Variants in CIP2A observed in about 807,000 individuals in gnomAD.
The protein encoded by CIP2A is cellular inhibitor of PP2A.
CIP2A carries 103 observed loss-of-function variants against 110.9 expected under a neutral mutation model. The ratio of observed to expected loss-of-function variants is 0.93; its 90% CI spans 0.79 to 1.09. The LOEUF is 1.09. Among genes scored for constraint, CIP2A ranks in the 50% least tolerant of loss-of-function variants. The probability of loss-of-function intolerance (pLI) is 0.00; values close to 1 mark genes in which losing one functional copy is unlikely to be tolerated. For missense variants in CIP2A, 1,088 were observed against 1,038.4 expected, an observed-to-expected ratio of 1.05 and a Z score of -0.66; for synonymous variants, 381 against 361.6, an observed-to-expected ratio of 1.05 and a Z score of -0.61.
At chr3:108,558,181 T>C (rs144729159) in intron 16 of CIP2A, among the ~76,000 whole-genome samples, 7 of 152,234 alleles carry the variant, frequency 4.6e-5, no homozygotes, top group East Asian at 1.9e-4. Flanking sequence ...ATATCACTAA[T>C]GTTCTTTCTT....
rs755436393 is a variant in CIP2A, at chr3:108,554,495, A to G, written c.2211-6T>C. On this transcript the variant is annotated splice_polypyrimidine_tract_variant and splice_region_variant and intron_variant, in intron 17 of 20. Transcript: ENST00000295746. Reference sequence around the variant, plus strand: ...TCTTTTCAGTACTTTCATTTCTGAAAAGACAAGAAAATGAGTTGGCATCAT... The same window carrying G: ...TCTTTTCAGTACTTTCATTTCTGAAGAGACAAGAAAATGAGTTGGCATCAT... 8.4e-7 allele frequency: 1 copy of G among 1,191,136 alleles called. No individual in the cohort carries two copies. Among genetic ancestry groups the G allele is most frequent in the Non-Finnish European group, 1.2e-6 (1 of 821,062 alleles). The allele number at this position is 1,191,136 out of a possible 1,614,324, so 73.8% of individuals were successfully genotyped here. A position where few individuals can be genotyped will look rare whatever the true frequency, so the allele number is the denominator to read the frequency against.
At chr3:108,560,947 T>C (rs891727194) in intron 13 of CIP2A, 106 bp from the exon 14 acceptor site, 5 of 644,646 alleles carry the variant, frequency 7.8e-6, no homozygotes, top group Admixed American at 6.1e-5. Context: ...TTTTTTTGAA[T>C]AGAAGTCTTC....
In CIP2A at chr3:108,584,901, C is replaced by G. The variant is rs866794476; in HGVS notation, c.250+164G>C. ...TATTACAGAAGGATCATTCTTTGAT[C>G]GGTAGCTATGACTTCCTCAGTGTCA... On this transcript the variant is annotated intron_variant, in intron 2 of 20. Transcript: ENST00000295746. 3 of 497,602 alleles carry G rather than the reference C, an allele frequency of 6.0e-6. No individual in the cohort carries two copies. In the South Asian group the frequency reaches 1.3e-4, roughly 22 times the overall value. 30.8% of individuals were successfully genotyped at this position (497,602 alleles called of 1,614,324 possible). A position where few individuals can be genotyped will look rare whatever the true frequency, so the allele number is the denominator to read the frequency against.
Position 108,550,370 on chromosome 3 carries a change from T to G in CIP2A, c.*779A>C, listed in dbSNP as rs1251543968. The G allele has an allele frequency of 6.6e-6, 1 of 151,528 alleles. No individual in the cohort carries two copies. Among genetic ancestry groups the G allele is most frequent in the Non-Finnish European group, 1.5e-5 (1 of 67,698 alleles). 9.4% of individuals were successfully genotyped at this position (151,528 alleles called of 1,614,324 possible). Reference sequence around the variant, plus strand: ...AAGAGTAGAATCCAAATTATCCTTATGTAAATCATAAGAAACTTATAATTA... The same window carrying G: ...AAGAGTAGAATCCAAATTATCCTTAGGTAAATCATAAGAAACTTATAATTA... On this transcript the variant is annotated 3_prime_UTR_variant, in exon 21 of 21. Transcript: ENST00000295746.
chr3:108,553,094 TAAATG>T, intron 19 of CIP2A, among the ~76,000 whole-genome samples: 1 of 148,892 alleles, frequency 6.7e-6, no homozygotes, highest in Non-Finnish European at 1.5e-5. Context: ...TAAATTAAAT[TAAATG>T]GTCAATCATC....
chr3:108,565,050 C>A (rs148063212), intron 12 of CIP2A, among the ~76,000 whole-genome samples: 14 of 151,852 alleles, frequency 9.2e-5, no homozygotes, highest in African/African-American at 3.4e-4. Flanking sequence ...TCCTCCAATG[C>A]CAACAGAAAC....
chr3:108,589,275 T>G lies in CIP2A; in HGVS notation c.101A>C (p.Glu34Ala). 6.2e-7 allele frequency: 1 copy of G among 1,613,076 alleles called. No individual in the cohort carries two copies. The highest frequency in any genetic ancestry group is 1.1e-5 in the South Asian group (1 of 91,016). Residue 34 changes from glutamate to alanine, a missense_variant and splice_region_variant, in exon 1 of 21, where the codon GAG becomes GCG. Physicochemically the swap from Glu to Ala is moderately radical, Grantham distance 107. Coordinates refer to ENST00000295746, the MANE Select transcript of CIP2A (RefSeq NM_020890.3). ...ANATQLLRHL[E>A]VISGQKLTRL... ...GTCCTCTACCCCAGAGCCTCTCACC[T>G]CCAAGTGCCGCAAAAGCTGAGTGGC... is the stretch of plus-strand genomic sequence containing the variant.
intron 18 of CIP2A, 45 bp from the exon 19 acceptor site, chr3:108,553,775 TA>T: frequency 6.8e-7 from 1 of 1,477,536 alleles, no homozygotes; most frequent in Non-Finnish European, 9.2e-7. Flanking sequence ...ATGAACCATA[TA>T]CCATTTGTAA....
chr3:108,564,371 T>C (rs979354547), intron 12 of CIP2A, among the ~76,000 whole-genome samples: 44 of 152,144 alleles, frequency 2.9e-4, no homozygotes, highest in African/African-American at 1.1e-3. Context: ...TCACTAGAGA[T>C]GTCTCTGTTA....
intron 13 of CIP2A, 129 bp downstream of exon 13, chr3:108,562,997 T>A: frequency 1.6e-6 from 1 of 639,978 alleles, no homozygotes; most frequent in Non-Finnish European, 2.8e-6. Context: ...TAGAAATCAC[T>A]TGAAAAATTA....
chr3:108,564,117 G>C (rs996700987), intron 12 of CIP2A, among the ~76,000 whole-genome samples: 8 of 152,064 alleles, frequency 5.3e-5, no homozygotes, highest in African/African-American at 1.9e-4. Flanking sequence ...GTAGGTACTT[G>C]AGTATAATCC....
At chr3:108,556,576 C>T (rs555702978) in intron 17 of CIP2A, among the ~76,000 whole-genome samples, 19 of 152,272 alleles carry the variant, frequency 1.2e-4, no homozygotes, top group Admixed American at 3.9e-4. Context: ...AAAAAGGACA[C>T]TCAATCTGTA....
At chr3:108,558,767 G>A (rs554218153) in intron 16 of CIP2A, among the ~76,000 whole-genome samples, 4 of 152,286 alleles carry the variant, frequency 2.6e-5, no homozygotes, top group African/African-American at 9.6e-5. Flanking sequence ...GACATGGAAA[G>A]TCAAGTGCCA....
intron 9 of CIP2A, among the ~76,000 whole-genome samples, chr3:108,568,964 C>T (rs1938281501): frequency 6.6e-6 from 1 of 150,818 alleles, no homozygotes; most frequent in South Asian, 2.1e-4. Context: ...TTGTCTGTAT[C>T]TTAAGTGCCT....
intron 9 of CIP2A, among the ~76,000 whole-genome samples, chr3:108,568,882 G>A (rs1470958159): frequency 6.6e-6 from 1 of 151,730 alleles, no homozygotes; most frequent in Non-Finnish European, 1.5e-5. Flanking sequence ...AGACAGAATG[G>A]ATTTATAAAC....
chr3:108,560,773 A>C lies in CIP2A; in HGVS notation c.1703T>G (p.Met568Arg). 1 of 1,612,930 alleles carries C rather than the reference A, an allele frequency of 6.2e-7. No homozygotes were observed. Among genetic ancestry groups the C allele is most frequent in the Non-Finnish European group, 8.5e-7 (1 of 1,179,386 alleles). ...ACTGTGATTTGATGATTGCCAGGGC[A>C]TTTTTCTGGGTATATGTTCTGTTTC... is the stretch of plus-strand genomic sequence containing the variant. The part of the protein sequence containing the change: ...QQETEHIPRK[M>R]PWQSSNHSFP... The change falls in exon 14 of 21, where the codon ATG becomes AGG. Residue 568 changes from methionine to arginine, a missense_variant. Met to Arg is a moderately conservative substitution (Grantham distance 91). Transcript: ENST00000295746.
chr3:108,555,638 CA>C (rs1937774503), intron 17 of CIP2A, among the ~76,000 whole-genome samples: 1 of 152,106 alleles, frequency 6.6e-6, no homozygotes, highest in Admixed American at 6.6e-5. Flanking sequence ...GGGTCTTGAA[CA>C]AAGTCACTCT....
chr3:108,569,181 T>TATATATATACACACACACAC lies in CIP2A; in HGVS notation c.1113+207_1113+208insGTGTGTGTGTGTATATATAT. On this transcript the variant is annotated intron_variant, in intron 9 of 20. Coordinates refer to ENST00000295746, the MANE Select transcript of CIP2A (RefSeq NM_020890.3). ...CTGAAATGAGCACTATATATATATATACATACACACTACTCAGTGAAAAAA... is the reference window on the plus strand; with the variant it reads ...CTGAAATGAGCACTATATATATATATATATATATACACACACACACACATACACACTACTCAGTGAAAAAA... Among the ~76,000 whole-genome samples, 9 of 58,282 alleles carry TATATATATACACACACACAC rather than the reference T, an allele frequency of 1.5e-4. 1 individual carries two copies. The East Asian group carries it at 2.0e-3, about 13-fold the overall frequency. 38.2% of individuals were successfully genotyped at this position (58,282 alleles called of 152,430 possible).
At chr3:108,553,125 T>TG (rs1331027868) in intron 19 of CIP2A, among the ~76,000 whole-genome samples, 12 of 124,820 alleles carry the variant, frequency 9.6e-5, no homozygotes, top group African/African-American at 4.1e-4. Context: ...CCTTTTGTTT[T>TG]TTTTTTTTTT....
Sources: gnomAD v4.1 joint callset for allele counts (sites outside exome capture counted in the v4.1 genomes callset) on GRCh38, gnomAD v4.1.1 for gene constraint, MANE v1.5 for transcripts, NCBI Gene and HGNC (gene_info 2026-07-23, HGNC 2026-07-21) for gene names.